Variants in CLIC5 observed in about 807,000 individuals in gnomAD.
CLIC5 encodes chloride intracellular channel protein 5.
CLIC5 carries 20 observed loss-of-function variants against 24.7 expected under a neutral mutation model. The observed-to-expected ratio is 0.81, with a 90% CI of 0.57 to 1.18. The LOEUF (loss-of-function observed/expected upper bound fraction) is 1.18. Ranked by LOEUF, CLIC5 falls within the 50% of genes most tolerant of loss-of-function variation. The pLI is 0.00. For synonymous variants in CLIC5, 159 were observed against 135.6 expected (o/e 1.17, Z -1.20); for missense variants, 341 against 326.1 (o/e 1.05, Z -0.35).
At chr6:45,895,670 A>G (rs1762387899), downstream of CLIC5, among the ~76,000 whole-genome samples, 1 of 152,206 alleles carries the variant, frequency 6.6e-6, no homozygotes, top group African/African-American at 2.4e-5. Context: ...TGCGTCCTAG[A>G]CAAGGTGAGG....
At chr6:45,979,453 C>A (rs1439470340) in intron 1 of CLIC5, among the ~76,000 whole-genome samples, 3 of 152,192 alleles carry the variant, frequency 2.0e-5, no homozygotes, top group Non-Finnish European at 2.9e-5. Context: ...GAATTAAGAG[C>A]CTGTCTCTGG....
chr6:45,964,783 C>A (rs1764964031), intron 1 of CLIC5, among the ~76,000 whole-genome samples: 1 of 152,096 alleles, frequency 6.6e-6, no homozygotes, highest in African/African-American at 2.4e-5. Context: ...GGTTTTTGAG[C>A]AAAATAAATG....
At chr6:45,936,321 C>T (rs1445365208) in intron 4 of CLIC5, among the ~76,000 whole-genome samples, 2 of 151,104 alleles carry the variant, frequency 1.3e-5, no homozygotes, top group African/African-American at 2.4e-5. Flanking sequence ...TCTCCTGCCT[C>T]GGCCTCCTGA....
At chr6:45,989,491 T>C (rs1765855245) in intron 1 of CLIC5, among the ~76,000 whole-genome samples, 1 of 152,182 alleles carries the variant, frequency 6.6e-6, no homozygotes, top group Non-Finnish European at 1.5e-5. Flanking sequence ...TCACCAGTTT[T>C]CTATGGTGAT....
rs552711833 is a variant in CLIC5 at position 46,041,383 on chromosome 6, C to T, written c.540+38320G>A. Among the ~76,000 whole-genome samples, 4 of 152,172 alleles carry T rather than the reference C, an allele frequency of 2.6e-5. No individual in the cohort carries two copies. The South Asian group carries it at 6.2e-4, about 24-fold the overall frequency. Reference sequence around the variant, plus strand: ...ATGGTCCCATTAACTCATGCAGGGTCGTGGTTGAATTGCAAACTATACCTC... The same window carrying T: ...ATGGTCCCATTAACTCATGCAGGGTTGTGGTTGAATTGCAAACTATACCTC... On this transcript the variant is annotated intron_variant, in intron 1 of 5. Transcript: ENST00000185206.
chr6:45,885,532 C>T (rs910257400), intron 6 of CLIC5, among the ~76,000 whole-genome samples: 3 of 152,130 alleles, frequency 2.0e-5, no homozygotes, highest in South Asian at 4.2e-4. Context: ...AAAGAGTGGG[C>T]GGTTATCAGC....
chr6:45,976,801 A>G (rs1056632110), intron 1 of CLIC5, among the ~76,000 whole-genome samples: 13 of 152,226 alleles, frequency 8.5e-5, no homozygotes, highest in African/African-American at 2.9e-4. Flanking sequence ...GCATAGACCT[A>G]TGAGGTTTCC....
upstream of CLIC5, among the ~76,000 whole-genome samples, chr6:46,020,739 TG>T (rs1767153630): frequency 6.6e-6 from 1 of 151,908 alleles, no homozygotes; most frequent in South Asian, 2.1e-4. Context: ...ATACAAAAGA[TG>T]GGATATCAAC....
At chr6:46,037,009 C>T (rs1767681183) in intron 1 of CLIC5, among the ~76,000 whole-genome samples, 1 of 152,138 alleles carries the variant, frequency 6.6e-6, no homozygotes, top group African/African-American at 2.4e-5. Context: ...AATACCTTCC[C>T]CCATTTTTTT....
chr6:45,915,535 C>T (rs1000527369), intron 4 of CLIC5, among the ~76,000 whole-genome samples: 1 of 152,084 alleles, frequency 6.6e-6, no homozygotes, highest in African/African-American at 2.4e-5. Flanking sequence ...TCTAGGGAAG[C>T]TTGTTCTAAA....
At chr6:46,015,965 G>A, upstream of CLIC5, 2 of 932,076 alleles carry the variant, frequency 2.1e-6, no homozygotes, top group Non-Finnish European at 2.6e-6. Context: ...CCTGGGCCGG[G>A]CCACGGCCCC....
At chr6:45,911,350 C>T (rs781767450) in intron 5 of CLIC5, among the ~76,000 whole-genome samples, 2 of 152,136 alleles carry the variant, frequency 1.3e-5, no homozygotes, top group Admixed American at 6.5e-5. Flanking sequence ...TGATGAAGTC[C>T]GAGTCCTTTG....
intron 2 of CLIC5, 104 bp from the exon 3 acceptor site, chr6:45,949,485 G>T: frequency 7.8e-7 from 1 of 1,276,196 alleles, no homozygotes; most frequent in South Asian, 1.4e-5. Flanking sequence ...TATCCAACAT[G>T]CCTGTCAGGT....
intron 1 of CLIC5, among the ~76,000 whole-genome samples, chr6:46,042,505 CG>C (rs1188918785): frequency 6.6e-6 from 1 of 152,102 alleles, no homozygotes. Context: ...TGAGGCCACT[CG>C]GGGTGTTTAG....
intron 1 of CLIC5, among the ~76,000 whole-genome samples, chr6:46,063,150 A>T (rs2127471075): frequency 6.6e-6 from 1 of 152,296 alleles, no homozygotes; most frequent in Middle Eastern, 3.4e-3. Context: ...TCATCTCACA[A>T]TGTCACTTTA....
intron 4 of CLIC5, among the ~76,000 whole-genome samples, chr6:45,923,873 C>T (rs918581231): frequency 6.6e-6 from 1 of 152,168 alleles, no homozygotes; most frequent in Admixed American, 6.5e-5. Context: ...GGGGTCCTGA[C>T]CCTGACACAT....
At chr6:46,097,214 A>G in the CLIC5 span, 63 of 152,352 alleles carry the variant, frequency 4.1e-4, no homozygotes, top group Non-Finnish European at 5.0e-4. Flanking sequence ...TAAAAATAAT[A>G]TGAATGGATG....
intron 1 of CLIC5, among the ~76,000 whole-genome samples, chr6:46,000,244 A>G (rs1057085657): frequency 1.3e-5 from 2 of 152,146 alleles, no homozygotes; most frequent in Admixed American, 1.3e-4. Flanking sequence ...ACTTGTATGG[A>G]GGGGTCAGTG....
At position 46,070,529 on chromosome 6, in the gene CLIC5, C is replaced by A. The variant is rs189566787; in HGVS notation, c.540+9174G>T. Among the ~76,000 whole-genome samples the A allele has an allele frequency of 4.4e-3, 676 of 152,160 alleles. 3 individuals carry two copies. The highest frequency in any genetic ancestry group is 0.015 in the African/African-American group (629 of 41,520). On this transcript the variant is annotated intron_variant, in intron 1 of 5. Coordinates refer to the CLIC5 transcript ENST00000185206. ...ACAGCTAACCAGACAGGTGAAAAAT[C>A]TTTACAATGAGAATTATAAAACACT...
Sources: allele counts gnomAD v4.1 joint callset (sites outside exome capture counted in the v4.1 genomes callset), GRCh38; gene constraint gnomAD v4.1.1; transcripts MANE v1.5; gene names NCBI Gene and HGNC (gene_info 2026-07-23, HGNC 2026-07-21).